The following LRBA variants were observed in gnomAD, a reference collection of about 807,000 sequenced individuals.
LRBA encodes lipopolysaccharide-responsive and beige-like anchor protein.
LRBA carries 176 observed loss-of-function variants against 330.0 expected under a neutral mutation model. The observed-to-expected ratio is 0.53, with a 90% CI of 0.47 to 0.60. The LOEUF (loss-of-function observed/expected upper bound fraction) is 0.60. LRBA is among the 20% of genes least tolerant of loss of function. The pLI is 0.00. For synonymous variants in LRBA, 1,230 were observed against 1,193.0 expected, an observed-to-expected ratio of 1.03 and a Z score of -0.64; for missense variants, 3,259 against 3,444.8, an observed-to-expected ratio of 0.95 and a Z score of 1.35.
intron 37 of LRBA, among the ~76,000 whole-genome samples, chr4:150,655,631 C>T (rs1327434863): frequency 6.6e-6 from 1 of 152,192 alleles, no homozygotes; most frequent in Non-Finnish European, 1.5e-5. Flanking sequence ...TGACACTTGG[C>T]AAACCAAAAG....
intron 52 of LRBA, among the ~76,000 whole-genome samples, chr4:150,306,257 C>T (rs1053903050): frequency 6.6e-6 from 1 of 152,124 alleles, no homozygotes; most frequent in African/African-American, 2.4e-5. Flanking sequence ...CCTCCCTCCT[C>T]CCCAATCTAA....
chr4:150,695,015 C>T (rs751657866), intron 36 of LRBA, among the ~76,000 whole-genome samples: 3 of 151,976 alleles, frequency 2.0e-5, no homozygotes, highest in Non-Finnish European at 4.4e-5. Context: ...GCCAATTCCA[C>T]ACATAATATT....
At chr4:150,371,262 G>A (rs1400621922) in intron 47 of LRBA, among the ~76,000 whole-genome samples, 2 of 137,242 alleles carry the variant, frequency 1.5e-5, no homozygotes, top group Non-Finnish European at 3.0e-5. Context: ...GCGTGATCCC[G>A]GCTCACTCCA....
intron 40 of LRBA, among the ~76,000 whole-genome samples, chr4:150,563,966 AG>A (rs1768772047): frequency 6.6e-6 from 1 of 152,196 alleles, no homozygotes; most frequent in Admixed American, 6.5e-5. Flanking sequence ...TGCCCAAGGT[AG>A]TTTATAGATT....
intron 40 of LRBA, chr4:150,580,297 T>TG (rs1771129883): frequency 6.6e-6 from 1 of 151,462 alleles, no homozygotes; most frequent in Non-Finnish European, 1.5e-5. Flanking sequence ...CCGAGATAGT[T>TG]TTTTTTTAAG....
intron 2 of LRBA, among the ~76,000 whole-genome samples, chr4:151,008,075 T>C (rs1744324872): frequency 6.6e-6 from 1 of 151,886 alleles, no homozygotes; most frequent in Non-Finnish European, 1.5e-5. Flanking sequence ...TGAGAAGTTT[T>C]TTTCTTTTTT....
chr4:150,916,311 G>A (rs1373111709), intron 7 of LRBA, 90 bp downstream of exon 7: 40 of 1,269,386 alleles, frequency 3.2e-5, no homozygotes, highest in Non-Finnish European at 4.4e-5. Flanking sequence ...TTGTGCTTTA[G>A]CATGTTATTA....
rs750145271 is a variant in LRBA, at chr4:150,415,512, C to A, written c.7120G>T (p.Gly2374Trp). 6.2e-7 allele frequency: 1 copy of A among 1,607,132 alleles called. No individual in the cohort carries two copies. The highest frequency in any genetic ancestry group is 1.7e-5 in the Admixed American group (1 of 60,000). The change falls in exon 47 of 57, where the codon GGG (glycine) becomes TGG (tryptophan). Residue 2374 changes from glycine (G) to tryptophan (W), a missense_variant. Gly to Trp is a radical substitution (Grantham distance 184). Transcript: ENST00000651943. The stretch of plus-strand genomic sequence containing the variant: ...AGTTCGACATCAGACACTACTGTCC[C>A]ATCATCCATCACTCCAAGATTATAA... Reference protein sequence around the residue: ...NNYNLGVMDDGTVVSDVELPP... With the variant: ...NNYNLGVMDDWTVVSDVELPP...
intron 56 of LRBA, 82 bp from the exon 57 acceptor site, chr4:150,265,894 C>T: frequency 2.4e-6 from 2 of 835,166 alleles, no homozygotes; most frequent in South Asian, 2.8e-5. Context: ...CCCAAATCCA[C>T]AAGGTAAATA....
At chr4:150,493,954 T>A (rs1581481342) in intron 40 of LRBA, among the ~76,000 whole-genome samples, 1 of 152,052 alleles carries the variant, frequency 6.6e-6, no homozygotes, top group Admixed American at 6.6e-5. Flanking sequence ...CGTGGTAGCA[T>A]GCACCTATAG....
chr4:150,490,148 T>C (rs1758728905), intron 41 of LRBA, among the ~76,000 whole-genome samples: 1 of 151,730 alleles, frequency 6.6e-6, no homozygotes, highest in Non-Finnish European at 1.5e-5. Flanking sequence ...AATCTTTTCC[T>C]AAAGAAATTT....
At chr4:150,369,603 G>A (rs1316622011) in intron 47 of LRBA, among the ~76,000 whole-genome samples, 1 of 151,648 alleles carries the variant, frequency 6.6e-6, no homozygotes, top group Non-Finnish European at 1.5e-5. Context: ...TATAAGAGCT[G>A]CAAAATAATT....
At chr4:150,601,928 T>G (rs929459161) in intron 37 of LRBA, among the ~76,000 whole-genome samples, 4 of 152,018 alleles carry the variant, frequency 2.6e-5, no homozygotes, top group Admixed American at 6.6e-5. Flanking sequence ...CCTGACCTCA[T>G]GATCCGCCCG....
At chr4:150,540,877 TA>T (rs1270144483) in intron 40 of LRBA, among the ~76,000 whole-genome samples, 1 of 152,162 alleles carries the variant, frequency 6.6e-6, no homozygotes, top group Non-Finnish European at 1.5e-5. Context: ...TTTTTAACCA[TA>T]TAGATGCACC....
chr4:150,346,757 C>CCAAAAAAAAAAA (rs1206950764), intron 48 of LRBA, among the ~76,000 whole-genome samples: 3 of 66,136 alleles, frequency 4.5e-5, no homozygotes, highest in African/African-American at 2.3e-4. Flanking sequence ...GACTCTGTCT[C>CCAAAAAAAAAAA]AAAAAAAAAA....
intron 35 of LRBA, among the ~76,000 whole-genome samples, chr4:150,744,696 T>C (rs1278489093): frequency 6.6e-6 from 1 of 152,224 alleles, no homozygotes; most frequent in Non-Finnish European, 1.5e-5. Flanking sequence ...ACTGGAGTCC[T>C]TTCCAGCTTG....
At chr4:150,431,386 C>T (rs1453182387) in intron 46 of LRBA, among the ~76,000 whole-genome samples, 1 of 152,136 alleles carries the variant, frequency 6.6e-6, no homozygotes, top group East Asian at 1.9e-4. Flanking sequence ...TTTCCATAAG[C>T]CCAAACTATC....
intron 2 of LRBA, among the ~76,000 whole-genome samples, chr4:151,001,799 T>C (rs1043312635): frequency 6.6e-6 from 1 of 152,014 alleles, no homozygotes; most frequent in Admixed American, 6.6e-5. Flanking sequence ...TTGGTTCACC[T>C]CAACCCACTG....
intron 2 of LRBA, among the ~76,000 whole-genome samples, chr4:150,996,585 G>T (rs1309016977): frequency 1.3e-5 from 2 of 152,098 alleles, no homozygotes; most frequent in African/African-American, 4.8e-5. Context: ...AGAAATAGAT[G>T]CAAAGAATCA....
Sources: allele counts gnomAD v4.1 joint callset (sites outside exome capture counted in the v4.1 genomes callset), GRCh38; gene constraint gnomAD v4.1.1; transcripts MANE v1.5; gene names NCBI Gene and HGNC (gene_info 2026-07-23, HGNC 2026-07-21).